OIP5: variants seen among roughly 807,000 people sequenced by gnomAD.
The protein encoded by OIP5 is protein Mis18-beta.
In OIP5, 24 loss-of-function variants were observed where a neutral mutation model predicts 20.3. That is an observed-to-expected ratio of 1.18 (90% confidence interval 0.86 to 1.66). The LOEUF is 1.66. Among genes scored for constraint, OIP5 ranks in the 40% most tolerant of loss-of-function variants. The pLI is 0.00. For missense variants in OIP5, 339 were observed against 289.5 expected, an observed-to-expected ratio of 1.17 and a Z score of -1.24; for synonymous variants, 143 against 121.3, an observed-to-expected ratio of 1.18 and a Z score of -1.17.
intron 1 of OIP5, 116 bp downstream of exon 1, chr15:41,332,124 C>T: frequency 7.3e-7 from 1 of 1,368,292 alleles, no homozygotes; most frequent in Non-Finnish European, 1.0e-6. Context: ...GAGTTATTTG[C>T]TTCCAACTTT....
intron 2 of OIP5, among the ~76,000 whole-genome samples, chr15:41,321,310 GC>G (rs942274995): frequency 6.7e-6 from 1 of 148,644 alleles, no homozygotes; most frequent in Non-Finnish European, 1.5e-5. Flanking sequence ...GGGGGGGTCA[GC>G]CCCCCGCCCG....
intron 2 of OIP5, among the ~76,000 whole-genome samples, chr15:41,327,213 C>T (rs924030901): frequency 1.3e-5 from 2 of 151,384 alleles, no homozygotes; most frequent in Non-Finnish European, 2.9e-5. Context: ...TGGAGTCTTC[C>T]TCTTGTCACC....
intron 2 of OIP5, among the ~76,000 whole-genome samples, chr15:41,320,225 T>C (rs895669922): frequency 5.3e-5 from 8 of 152,186 alleles, no homozygotes; most frequent in African/African-American, 7.2e-5. Flanking sequence ...CTTTTGCTTA[T>C]ATTAAAAAAG....
At chr15:41,321,339 C>T (rs966491960) in intron 2 of OIP5, among the ~76,000 whole-genome samples, 6 of 143,148 alleles carry the variant, frequency 4.2e-5, no homozygotes, top group Non-Finnish European at 7.6e-5. Flanking sequence ...GCCCCGTCCG[C>T]GAGGTGATGG....
At chr15:41,312,408 G>A (rs1309444959) in intron 4 of OIP5, among the ~76,000 whole-genome samples, 3 of 152,100 alleles carry the variant, frequency 2.0e-5, no homozygotes, top group East Asian at 3.9e-4. Flanking sequence ...TTATCCATCC[G>A]CCTCAGCCTC....
intron 2 of OIP5, 117 bp downstream of exon 2, chr15:41,331,796 TAA>T: frequency 2.5e-6 from 2 of 815,494 alleles, no homozygotes; most frequent in South Asian, 1.4e-5. Flanking sequence ...CAAGTTCATA[TAA>T]GAGTCAAACA....
At chr15:41,313,814 G>A (rs2047773656) in intron 3 of OIP5, among the ~76,000 whole-genome samples, 1 of 152,074 alleles carries the variant, frequency 6.6e-6, no homozygotes, top group Non-Finnish European at 1.5e-5. Flanking sequence ...AAACTTGAGT[G>A]TCCATGGATT....
chr15:41,326,898 C>T (rs1201854429), intron 2 of OIP5, among the ~76,000 whole-genome samples: 1 of 152,080 alleles, frequency 6.6e-6, no homozygotes, highest in East Asian at 1.9e-4. Flanking sequence ...GAAAATACTT[C>T]CAATACACTA....
At chr15:41,321,301 G>C (rs1447065625) in intron 2 of OIP5, among the ~76,000 whole-genome samples, 1 of 149,324 alleles carries the variant, frequency 6.7e-6, no homozygotes. Context: ...GAGGGAGGTG[G>C]GGGGGTCAGC....
chr15:41,323,290 GC>G (rs1276552271), intron 2 of OIP5, among the ~76,000 whole-genome samples: 2 of 152,122 alleles, frequency 1.3e-5, no homozygotes, highest in African/African-American at 4.8e-5. Context: ...TTTGAGAACA[GC>G]CTGGTCAACA....
In OIP5 at chr15:41,309,794, A is replaced by C. The variant is rs777218157; in HGVS notation, c.650T>G (p.Leu217Arg). 3 of 1,614,060 alleles carry C rather than the reference A, an allele frequency of 1.9e-6. No individual in the cohort carries two copies. Among genetic ancestry groups the C allele is most frequent in the Non-Finnish European group, 2.5e-6 (3 of 1,179,918 alleles). The change falls in exon 5 of 5, where the codon CTG (leucine) becomes CGG (arginine). Residue 217 changes from leucine to arginine, a missense_variant. Leu to Arg is a moderately radical substitution (Grantham distance 102). Transcript: ENST00000220514. ...GGACTGGTCAGGAGTCACTTCACTC[A>C]GAATCTTCATTAGTGATTTTAAGCG... Reference protein sequence around the residue: ...HNRLKSLMKILSEVTPDQSKP... With the variant: ...HNRLKSLMKIRSEVTPDQSKP...
intron 3 of OIP5, among the ~76,000 whole-genome samples, chr15:41,314,525 G>A (rs981986684): frequency 6.6e-5 from 10 of 152,040 alleles, no homozygotes; most frequent in African/African-American, 2.4e-4. Flanking sequence ...AAATGGGATG[G>A]GTGTGCTGGC....
chr15:41,316,717 G>A (rs184379340), intron 3 of OIP5, among the ~76,000 whole-genome samples: 3 of 150,854 alleles, frequency 2.0e-5, no homozygotes, highest in Admixed American at 6.6e-5. Context: ...GTGAACCCAG[G>A]GGGTGAAGCT....
intron 4 of OIP5, among the ~76,000 whole-genome samples, chr15:41,312,627 ATT>A (rs907153998): frequency 2.8e-4 from 36 of 126,940 alleles, no homozygotes; most frequent in Non-Finnish European, 2.6e-4. Context: ...GACCGGCTAA[ATT>A]TTTTTTTTTT....
intron 2 of OIP5, among the ~76,000 whole-genome samples, chr15:41,321,820 A>G (rs1595501827): frequency 6.6e-6 from 1 of 150,696 alleles, no homozygotes; most frequent in Non-Finnish European, 1.5e-5. Flanking sequence ...TAGGAAAACC[A>G]GAGACCTTTG....
chr15:41,317,854 A>AT (rs769962848), intron 3 of OIP5, among the ~76,000 whole-genome samples: 42 of 152,162 alleles, frequency 2.8e-4, no homozygotes, highest in Non-Finnish European at 5.6e-4. Flanking sequence ...AATATTTTAA[A>AT]TTTTTTGTAG....
chr15:41,327,768 A>G (rs556021171), intron 2 of OIP5, among the ~76,000 whole-genome samples: 25 of 151,984 alleles, frequency 1.6e-4, no homozygotes, highest in African/African-American at 6.0e-4. Context: ...AGCCTGGGCT[A>G]CAGAGCAAGA....
chr15:41,316,572 G>A (rs1595499776), intron 3 of OIP5, among the ~76,000 whole-genome samples: 1 of 151,920 alleles, frequency 6.6e-6, no homozygotes, highest in Non-Finnish European at 1.5e-5. Context: ...GGCGGATCAC[G>A]AGGTCAAGGA....
At chr15:41,329,063 C>CAAAAAAA (rs1166517767) in intron 2 of OIP5, among the ~76,000 whole-genome samples, 12 of 50,348 alleles carry the variant, frequency 2.4e-4, no homozygotes, top group Admixed American at 6.1e-4. Flanking sequence ...GACTCCATCT[C>CAAAAAAA]AAAAAAAAAA....
Sources: allele counts gnomAD v4.1 joint callset (sites outside exome capture counted in the v4.1 genomes callset), GRCh38; gene constraint gnomAD v4.1.1; transcripts MANE v1.5; gene names NCBI Gene and HGNC (gene_info 2026-07-23, HGNC 2026-07-21).